Variants in RANBP17 observed in about 807,000 individuals in gnomAD.
The protein encoded by RANBP17 is ran-binding protein 17.
Under a neutral mutation model 141.2 loss-of-function variants are expected in RANBP17, and 158 were observed. The observed-to-expected ratio is 1.12, with a 90% CI of 0.98 to 1.28. The LOEUF (loss-of-function observed/expected upper bound fraction) is 1.28. RANBP17 is among the 50% of genes most tolerant of loss of function. The probability of loss-of-function intolerance (pLI) is 0.00; values close to 1 mark genes in which losing one functional copy is unlikely to be tolerated. For synonymous variants in RANBP17, 430 were observed against 450.0 expected, an observed-to-expected ratio of 0.96 and a Z score of 0.56; for missense variants, 1,438 against 1,290.7, an observed-to-expected ratio of 1.11 and a Z score of -1.75.
chr5:171,098,540 C>T (rs1415715482), intron 14 of RANBP17, among the ~76,000 whole-genome samples: 1 of 152,034 alleles, frequency 6.6e-6, no homozygotes, highest in East Asian at 1.9e-4. Context: ...GATATTAGCC[C>T]TTTGTCAGAT....
intron 14 of RANBP17, among the ~76,000 whole-genome samples, chr5:171,054,009 C>T (rs577329239): frequency 5.5e-4 from 82 of 149,704 alleles, no homozygotes; most frequent in African/African-American, 1.9e-3. Flanking sequence ...CTTTCTTTGT[C>T]TCATGATAAT....
chr5:171,114,559 A>T (rs1033486114), intron 14 of RANBP17, among the ~76,000 whole-genome samples: 1 of 151,724 alleles, frequency 6.6e-6, no homozygotes, highest in African/African-American at 2.4e-5. Context: ...GACAACTGGT[A>T]TATCACTACC....
At chr5:170,884,008 A>C (rs1272941885) in intron 3 of RANBP17, among the ~76,000 whole-genome samples, 2 of 152,122 alleles carry the variant, frequency 1.3e-5, no homozygotes, top group Non-Finnish European at 2.9e-5. Flanking sequence ...GAGTGTGTTC[A>C]GTTTTGTAAG....
intron 14 of RANBP17, among the ~76,000 whole-genome samples, chr5:170,998,740 T>G (rs868496500): frequency 3.0e-4 from 46 of 152,310 alleles, no homozygotes; most frequent in African/African-American, 1.1e-3. Context: ...ATGGTTTTAA[T>G]TACAAAATAC....
intron 14 of RANBP17, among the ~76,000 whole-genome samples, chr5:170,992,351 G>A (rs570194213): frequency 1.3e-5 from 2 of 152,090 alleles, no homozygotes; most frequent in South Asian, 4.1e-4. Flanking sequence ...AATTGAATCA[G>A]TGTAATCAGT....
chr5:171,277,891 A>G (rs1355505957), intron 25 of RANBP17, among the ~76,000 whole-genome samples: 3 of 140,622 alleles, frequency 2.1e-5, no homozygotes, highest in East Asian at 4.4e-4. Context: ...GCATTCTTCA[A>G]TCAAGAACTG....
intron 13 of RANBP17, among the ~76,000 whole-genome samples, chr5:170,962,793 T>C (rs933448652): frequency 1.3e-5 from 2 of 152,208 alleles, no homozygotes; most frequent in Non-Finnish European, 2.9e-5. Flanking sequence ...GAATATTTGG[T>C]ATGCAAAGGG....
At chr5:171,260,898 A>T (rs1766269359) in intron 24 of RANBP17, among the ~76,000 whole-genome samples, 1 of 152,156 alleles carries the variant, frequency 6.6e-6, no homozygotes, top group Non-Finnish European at 1.5e-5. Context: ...ACCAACTAGG[A>T]ACTACTAGAT....
intron 12 of RANBP17, among the ~76,000 whole-genome samples, chr5:170,929,893 T>G (rs1229793466): frequency 6.6e-6 from 1 of 152,194 alleles, no homozygotes; most frequent in Non-Finnish European, 1.5e-5. Flanking sequence ...CTATTCAAAT[T>G]TTCTGTTTCC....
At chr5:171,218,834 T>G (rs1763383309) in intron 21 of RANBP17, among the ~76,000 whole-genome samples, 1 of 152,058 alleles carries the variant, frequency 6.6e-6, no homozygotes, top group African/African-American at 2.4e-5. Flanking sequence ...AGCACACCGA[T>G]GGGTCTTGAC....
chr5:171,060,916 A>G (rs949738110), intron 14 of RANBP17, among the ~76,000 whole-genome samples: 1 of 150,888 alleles, frequency 6.6e-6, no homozygotes, highest in Non-Finnish European at 1.5e-5. Flanking sequence ...CGAGGAATTT[A>G]TCCATTTCTT....
intron 25 of RANBP17, among the ~76,000 whole-genome samples, chr5:171,268,715 C>T (rs891977425): frequency 6.6e-6 from 1 of 152,070 alleles, no homozygotes; most frequent in Admixed American, 6.6e-5. Flanking sequence ...TTTACCCCAC[C>T]ATGGCAAGGG....
intron 21 of RANBP17, among the ~76,000 whole-genome samples, chr5:171,216,082 A>T (rs1022025916): frequency 7.2e-5 from 11 of 152,116 alleles, no homozygotes; most frequent in Non-Finnish European, 2.9e-5. Context: ...TAATTTTTGC[A>T]TAAGGTGTAA....
intron 24 of RANBP17, among the ~76,000 whole-genome samples, chr5:171,254,077 C>A (rs1385128916): frequency 6.6e-6 from 1 of 151,972 alleles, no homozygotes; most frequent in Admixed American, 6.6e-5. Context: ...GAAACCCAGT[C>A]TCTACTAAAA....
At chr5:170,900,543 G>T (rs535473860) in intron 5 of RANBP17, among the ~76,000 whole-genome samples, 1 of 152,120 alleles carries the variant, frequency 6.6e-6, no homozygotes, top group South Asian at 2.1e-4. Flanking sequence ...GTTATTTCTT[G>T]TCTTCAGCTA....
At chr5:171,067,021 GTTA>G (rs889517148) in intron 14 of RANBP17, among the ~76,000 whole-genome samples, 3 of 152,102 alleles carry the variant, frequency 2.0e-5, no homozygotes, top group African/African-American at 2.4e-5. Flanking sequence ...GTTATTTTAA[GTTA>G]TTATCAATAA....
chr5:170,983,560 A>G (rs562015785), intron 14 of RANBP17, among the ~76,000 whole-genome samples: 11 of 152,304 alleles, frequency 7.2e-5, no homozygotes, highest in Admixed American at 3.3e-4. Flanking sequence ...CTGCCTGTTT[A>G]TTTAGAAGAA....
At chr5:170,894,482 TTTTTTATATATA>T (rs1284136461) in intron 4 of RANBP17, among the ~76,000 whole-genome samples, 2 of 38,536 alleles carry the variant, frequency 5.2e-5, no homozygotes, top group South Asian at 5.5e-3. Flanking sequence ...TTAGTACGTG[TTTTTTATATATA>T]TATATATATA....
intron 22 of RANBP17, among the ~76,000 whole-genome samples, chr5:171,238,090 A>C (rs1764649411): frequency 6.6e-6 from 1 of 152,178 alleles, no homozygotes; most frequent in Non-Finnish European, 1.5e-5. Context: ...ACTTGAGCAA[A>C]ATGAGGTAGT....
Sources: allele counts gnomAD v4.1 joint callset (sites outside exome capture counted in the v4.1 genomes callset), GRCh38; gene constraint gnomAD v4.1.1; transcripts MANE v1.5; gene names NCBI Gene and HGNC (gene_info 2026-07-23, HGNC 2026-07-21).